Variants in ZBTB20 observed in about 807,000 individuals in gnomAD.
The protein encoded by ZBTB20 is zinc finger and BTB domain containing 20.
Under a neutral mutation model 56.9 loss-of-function variants are expected in ZBTB20, and 9 were observed. That is an observed-to-expected ratio of 0.16 (90% confidence interval 0.10 to 0.28). ZBTB20 has a LOEUF of 0.28. ZBTB20 is among the 10% of genes least tolerant of loss of function. The pLI is 1.00. For synonymous variants in ZBTB20, 417 were observed against 420.7 expected, an observed-to-expected ratio of 0.99 and a Z score of 0.11; for missense variants, 655 against 1,003.0, an observed-to-expected ratio of 0.65 and a Z score of 4.69.
intron 2 of ZBTB20, among the ~76,000 whole-genome samples, chr3:114,976,899 T>C (rs1366194733): frequency 6.6e-6 from 1 of 152,112 alleles, no homozygotes; most frequent in Non-Finnish European, 1.5e-5. Flanking sequence ...TTCAGTTCAT[T>C]AATTAGAAAA....
chr3:114,783,007 T>C (rs948778094), intron 5 of ZBTB20, among the ~76,000 whole-genome samples: 1 of 152,196 alleles, frequency 6.6e-6, no homozygotes, highest in Non-Finnish European at 1.5e-5. Context: ...TATTCATGAA[T>C]ATTCATTCAT....
chr3:114,526,945 T>A (rs187644123), intron 6 of ZBTB20, among the ~76,000 whole-genome samples: 1 of 152,184 alleles, frequency 6.6e-6, no homozygotes, highest in African/African-American at 2.4e-5. Context: ...AGATCTTTTT[T>A]CAATAATGGA....
At chr3:114,514,466 G>A (rs937416587) in intron 6 of ZBTB20, among the ~76,000 whole-genome samples, 1 of 152,150 alleles carries the variant, frequency 6.6e-6, no homozygotes, top group Non-Finnish European at 1.5e-5. Context: ...CTTTTCTTAC[G>A]AATACCAGAG....
In ZBTB20 at chr3:114,617,844, T is replaced by C. The variant is rs1345940297; in HGVS notation, c.-295+75684A>G. 6.6e-5 allele frequency among the ~76,000 whole-genome samples: 10 copies of C among 152,274 alleles called. No individual in the cohort carries two copies. In the East Asian group the frequency reaches 7.7e-4, roughly 12 times the overall value. On this transcript the variant is annotated intron_variant, in intron 6 of 11. Transcript: ENST00000675478. ...CACAAAACTTGCTTCTTCACTTTCA[T>C]TGAGGTCTTTTCTCAAATGCTGTCC...
intron 3 of ZBTB20, among the ~76,000 whole-genome samples, chr3:114,933,071 C>T (rs566309906): frequency 6.6e-6 from 1 of 152,224 alleles, no homozygotes; most frequent in East Asian, 1.9e-4. Context: ...ATACATTGCA[C>T]TGAGGCCTAA....
intron 2 of ZBTB20, among the ~76,000 whole-genome samples, chr3:115,022,541 G>C (rs1001191304): frequency 1.3e-5 from 2 of 151,038 alleles, no homozygotes; most frequent in Non-Finnish European, 3.0e-5. Context: ...TTACCTGACA[G>C]AGCCAAGTTT....
chr3:114,927,747 T>C (rs573135264), intron 3 of ZBTB20, among the ~76,000 whole-genome samples: 1 of 152,286 alleles, frequency 6.6e-6, no homozygotes, highest in East Asian at 1.9e-4. Flanking sequence ...AACCTGAAGC[T>C]AAAGCACATT....
At chr3:114,689,018 C>G (rs991045188) in intron 6 of ZBTB20, among the ~76,000 whole-genome samples, 3 of 152,124 alleles carry the variant, frequency 2.0e-5, no homozygotes, top group Non-Finnish European at 4.4e-5. Context: ...AGAAAGTATT[C>G]TCTAGGTAAG....
chr3:114,936,009 G>C (rs1165286409), intron 3 of ZBTB20, among the ~76,000 whole-genome samples: 1 of 152,110 alleles, frequency 6.6e-6, no homozygotes, highest in Non-Finnish European at 1.5e-5. Context: ...CTTTATTCTT[G>C]ATTAGCTATG....
intron 5 of ZBTB20, among the ~76,000 whole-genome samples, chr3:114,703,018 G>A (rs956176740): frequency 1.3e-5 from 2 of 151,650 alleles, no homozygotes; most frequent in Non-Finnish European, 3.0e-5. Flanking sequence ...GTGTGTTAGA[G>A]AGAGTGTGTG....
At chr3:114,968,674 T>C (rs889206451) in intron 3 of ZBTB20, among the ~76,000 whole-genome samples, 15 of 152,240 alleles carry the variant, frequency 9.9e-5, no homozygotes, top group African/African-American at 3.6e-4. Context: ...TCATCATTAC[T>C]ATACCCCAAT....
intron 1 of ZBTB20, among the ~76,000 whole-genome samples, chr3:115,133,825 T>C (rs1295608564): frequency 6.6e-6 from 1 of 152,244 alleles, no homozygotes; most frequent in East Asian, 1.9e-4. Flanking sequence ...CTATGAATAA[T>C]GCTGCCATGA....
At chr3:114,978,886 A>C (rs896191619) in intron 2 of ZBTB20, among the ~76,000 whole-genome samples, 2 of 151,928 alleles carry the variant, frequency 1.3e-5, no homozygotes, top group African/African-American at 4.8e-5. Context: ...GGAAAGAAAA[A>C]TTTAATTTAT....
intron 4 of ZBTB20, among the ~76,000 whole-genome samples, chr3:114,885,198 C>T (rs146573811): frequency 6.6e-6 from 1 of 152,166 alleles, no homozygotes; most frequent in South Asian, 2.1e-4. Context: ...ACAGAACACT[C>T]CTCCCTTGCC....
At chr3:114,406,194 C>T (rs550283682) in intron 7 of ZBTB20, among the ~76,000 whole-genome samples, 12 of 152,166 alleles carry the variant, frequency 7.9e-5, no homozygotes, top group South Asian at 4.1e-4. Flanking sequence ...AACTTTTATC[C>T]GACTGAATTA....
At chr3:114,523,604 A>C (rs1456654103) in intron 6 of ZBTB20, among the ~76,000 whole-genome samples, 2 of 152,230 alleles carry the variant, frequency 1.3e-5, no homozygotes, top group African/African-American at 4.8e-5. Context: ...TCTAAGGCAC[A>C]ATGAGGGATG....
At chr3:115,125,696 G>A (rs987208320) in intron 1 of ZBTB20, among the ~76,000 whole-genome samples, 1 of 152,168 alleles carries the variant, frequency 6.6e-6, no homozygotes, top group African/African-American at 2.4e-5. Context: ...CTTGAAAATT[G>A]CTAAGAGAAT....
intron 5 of ZBTB20, among the ~76,000 whole-genome samples, chr3:114,719,521 C>A (rs1392034235): frequency 6.6e-6 from 1 of 152,014 alleles, no homozygotes; most frequent in Non-Finnish European, 1.5e-5. Context: ...AACAATAAAA[C>A]AAAACTGAAG....
intron 4 of ZBTB20, among the ~76,000 whole-genome samples, chr3:114,853,558 G>A (rs1457534515): frequency 6.6e-6 from 1 of 152,158 alleles, no homozygotes; most frequent in Non-Finnish European, 1.5e-5. Context: ...TCAAGTGCTT[G>A]CCCGTCCTTG....
Sources: gnomAD v4.1 joint callset for allele counts (sites outside exome capture counted in the v4.1 genomes callset) on GRCh38, gnomAD v4.1.1 for gene constraint, MANE v1.5 for transcripts, NCBI Gene and HGNC (gene_info 2026-07-23, HGNC 2026-07-21) for gene names.